The following STXBP5L variants were observed in gnomAD, a reference collection of about 807,000 sequenced individuals.
The protein encoded by STXBP5L is syntaxin-binding protein 5-like.
A neutral mutation model predicts 144.5 loss-of-function variants in STXBP5L; 65 were observed. The ratio of observed to expected loss-of-function variants is 0.45; its 90% CI spans 0.37 to 0.55. The LOEUF is 0.55. Among genes scored for constraint, STXBP5L ranks in the 20% least tolerant of loss-of-function variants. The pLI, the probability that STXBP5L is intolerant of heterozygous loss-of-function variation, is 0.00. For synonymous variants in STXBP5L, 505 were observed against 469.6 expected (o/e 1.08, Z -0.97); for missense variants, 1,298 against 1,405.5 (o/e 0.92, Z 1.22).
intron 14 of STXBP5L, among the ~76,000 whole-genome samples, chr3:121,249,748 A>T (rs1329070040): frequency 2.0e-5 from 3 of 151,928 alleles, no homozygotes; most frequent in East Asian, 1.9e-4. Flanking sequence ...GAGAGTGAAC[A>T]TTTTTTTGGC....
chr3:121,000,400 G>T (rs1447636077), intron 3 of STXBP5L, among the ~76,000 whole-genome samples: 1 of 152,030 alleles, frequency 6.6e-6, no homozygotes, highest in East Asian at 1.9e-4. Context: ...AGTATATTCT[G>T]CTGTTAGTAT....
At chr3:121,096,037 C>T (rs2043107405) in intron 5 of STXBP5L, among the ~76,000 whole-genome samples, 1 of 152,106 alleles carries the variant, frequency 6.6e-6, no homozygotes, top group Admixed American at 6.5e-5. Context: ...TCCCTGACCC[C>T]TTGTGCTTCC....
At chr3:121,276,608 G>T (rs2050893597) in intron 18 of STXBP5L, among the ~76,000 whole-genome samples, 1 of 151,538 alleles carries the variant, frequency 6.6e-6, no homozygotes, top group Admixed American at 6.6e-5. Context: ...AGATGTATTT[G>T]CTGGGTATAC....
intron 3 of STXBP5L, among the ~76,000 whole-genome samples, chr3:121,035,396 A>T (rs1341839153): frequency 3.9e-5 from 6 of 152,104 alleles, no homozygotes; most frequent in Non-Finnish European, 8.8e-5. Context: ...ATATAGTGAG[A>T]GATAGGGGTC....
At chr3:121,349,075 G>A (rs1288635192) in intron 20 of STXBP5L, among the ~76,000 whole-genome samples, 1 of 151,922 alleles carries the variant, frequency 6.6e-6, no homozygotes, top group African/African-American at 2.4e-5. Flanking sequence ...GATATTTCCT[G>A]CTTTCTCTTG....
chr3:121,381,216 T>C, intron 21 of STXBP5L, 77 bp from the exon 22 acceptor site: 1 of 1,389,214 alleles, frequency 7.2e-7, no homozygotes, highest in Non-Finnish European at 9.7e-7. Context: ...ATAATTTTGA[T>C]TTATATATAT....
intron 3 of STXBP5L, among the ~76,000 whole-genome samples, chr3:121,006,322 C>G (rs1003696092): frequency 1.6e-4 from 25 of 151,990 alleles, no homozygotes; most frequent in Non-Finnish European, 2.4e-4. Flanking sequence ...TTCTTTGTCT[C>G]TTTTGATCTT....
chr3:121,006,467 C>A (rs1018900785), intron 3 of STXBP5L, among the ~76,000 whole-genome samples: 2 of 152,138 alleles, frequency 1.3e-5, no homozygotes, highest in Admixed American at 6.6e-5. Flanking sequence ...AGATGGGTTT[C>A]CTCAATACAG....
intron 22 of STXBP5L, among the ~76,000 whole-genome samples, chr3:121,405,899 G>A (rs2046984484): frequency 1.3e-5 from 2 of 152,192 alleles, no homozygotes; most frequent in South Asian, 2.1e-4. Flanking sequence ...TATGCAATGA[G>A]TATAAGTAAA....
rs2043788049 is a variant in STXBP5L, at chr3:121,107,826, G to T, written c.471-7099G>T. Among the ~76,000 whole-genome samples the T allele has an allele frequency of 3.9e-5, 6 of 152,210 alleles. No homozygotes were observed. The South Asian group carries it at 1.2e-3, about 32-fold the overall frequency. On this transcript the variant is annotated intron_variant, in intron 5 of 26. Coordinates refer to ENST00000471454, the MANE Select transcript of STXBP5L (RefSeq NM_001308330.2). The stretch of plus-strand genomic sequence containing the variant: ...GCAGTATGGCCATTTTCACAATATT[G>T]ATGCTTCCTGCCCATGGGCATGGAA...
intron 11 of STXBP5L, among the ~76,000 whole-genome samples, chr3:121,228,704 C>T (rs1439251514): frequency 6.6e-6 from 1 of 152,058 alleles, no homozygotes; most frequent in Non-Finnish European, 1.5e-5. Flanking sequence ...GGTGAAACCC[C>T]CGTCTCTACT....
intron 10 of STXBP5L, among the ~76,000 whole-genome samples, chr3:121,208,864 C>A (rs890014072): frequency 6.6e-6 from 1 of 151,978 alleles, no homozygotes; most frequent in African/African-American, 2.4e-5. Flanking sequence ...GTTTGCTGCA[C>A]CCATCATCTA....
At chr3:121,003,686 G>T (rs1375737774) in intron 3 of STXBP5L, among the ~76,000 whole-genome samples, 1 of 152,140 alleles carries the variant, frequency 6.6e-6, no homozygotes, top group Non-Finnish European at 1.5e-5. Flanking sequence ...ATGGTTTCAG[G>T]TCTAACATGT....
At chr3:121,172,022 G>A (rs1415418440) in intron 9 of STXBP5L, among the ~76,000 whole-genome samples, 1 of 152,142 alleles carries the variant, frequency 6.6e-6, no homozygotes, top group Admixed American at 6.5e-5. Context: ...CAATGGAACA[G>A]AACCAAGGCC....
intron 20 of STXBP5L, among the ~76,000 whole-genome samples, chr3:121,344,632 T>A (rs1489477932): frequency 6.6e-6 from 1 of 151,924 alleles, no homozygotes; most frequent in African/African-American, 2.4e-5. Context: ...ACAAATACAA[T>A]AGTGTAATTT....
intron 2 of STXBP5L, among the ~76,000 whole-genome samples, chr3:120,929,238 G>A (rs1290641393): frequency 6.6e-6 from 1 of 152,142 alleles, no homozygotes; most frequent in Non-Finnish European, 1.5e-5. Flanking sequence ...CAGAGATTGT[G>A]GTTTGACTTC....
chr3:121,071,236 A>G (rs1576852091), intron 5 of STXBP5L, among the ~76,000 whole-genome samples: 2 of 152,366 alleles, frequency 1.3e-5, no homozygotes, highest in South Asian at 2.1e-4. Context: ...CAAAGATAAC[A>G]TGACAGCAAA....
chr3:120,984,531 G>A (rs1942103086), intron 3 of STXBP5L, among the ~76,000 whole-genome samples: 1 of 151,690 alleles, frequency 6.6e-6, no homozygotes, highest in East Asian at 1.9e-4. Flanking sequence ...TTTTGGTGGG[G>A]GGAATCTTTA....
intron 3 of STXBP5L, among the ~76,000 whole-genome samples, chr3:120,971,724 A>G (rs1323907626): frequency 6.6e-6 from 1 of 151,434 alleles, no homozygotes; most frequent in African/African-American, 2.4e-5. Context: ...ATATGTACAC[A>G]CACATATATG....
Sources: allele counts gnomAD v4.1 joint callset (sites outside exome capture counted in the v4.1 genomes callset), GRCh38; gene constraint gnomAD v4.1.1; transcripts MANE v1.5; gene names NCBI Gene and HGNC (gene_info 2026-07-23, HGNC 2026-07-21).